The following SLC30A8 variants were observed in gnomAD, a reference collection of about 807,000 sequenced individuals.
SLC30A8 encodes the protein proton-coupled zinc antiporter SLC30A8.
In SLC30A8, 27 loss-of-function variants were observed where a neutral mutation model predicts 36.9. The ratio of observed to expected loss-of-function variants is 0.73; its 90% CI spans 0.54 to 1.01. The LOEUF is 1.01. Ranked by LOEUF, SLC30A8 falls within the 50% of genes least tolerant of loss-of-function variation. SLC30A8 has a pLI of 0.00. For missense variants in SLC30A8, 439 were observed against 452.0 expected (o/e 0.97, Z 0.26); for synonymous variants, 164 against 172.4 (o/e 0.95, Z 0.38).
rs76378081 is a variant in SLC30A8, at chr8:117,012,667, A to AGT, written c.-265-26538_-265-26537dup. 3.5e-3 allele frequency among the ~76,000 whole-genome samples: 488 copies of AGT among 140,380 alleles called. 2 individuals are homozygous for AGT. Among genetic ancestry groups the AGT allele is most frequent in the African/African-American group, 0.011 (426 of 38,018 alleles). The allele number at this position is 140,380 out of a possible 152,430, so 92.1% of individuals were successfully genotyped here. A position where few individuals can be genotyped will look rare whatever the true frequency, so the allele number is the denominator to read the frequency against. ...GGATACAGAAGGACGACTGTATATA[A>AGT]GTGTGTGTGTGTGTGCATGTGTGTG... On this transcript the variant is annotated intron_variant, in intron 1 of 10. Transcript: ENST00000427715.
chr8:117,171,207 C>A (rs1339956190), intron 7 of SLC30A8, 39 bp downstream of exon 7: 1 of 1,606,906 alleles, frequency 6.2e-7, no homozygotes, highest in Non-Finnish European at 8.5e-7. Context: ...AAAATTCAGT[C>A]CTTGTCCTGT....
chr8:117,105,625 A>G (rs1314571217), intron 2 of SLC30A8, among the ~76,000 whole-genome samples: 1 of 152,180 alleles, frequency 6.6e-6, no homozygotes, highest in African/African-American at 2.4e-5. Context: ...TCTATGTTGC[A>G]GTTTTGAGGT....
At chr8:117,008,015 G>A (rs1816236440) in intron 1 of SLC30A8, among the ~76,000 whole-genome samples, 1 of 152,140 alleles carries the variant, frequency 6.6e-6, no homozygotes, top group African/African-American at 2.4e-5. Context: ...TCAACCTTAA[G>A]GTAATGGGTA....
Position 117,152,990 on chromosome 8 carries a change from C to T in SLC30A8, c.318C>T (p.His106=), listed in dbSNP as rs1822267405. The change falls in exon 3 of 8, where the codon CAC becomes CAT. Residue 106 remains histidine, a synonymous_variant. Transcript: ENST00000456015. ...TTGCTGTTGTCACAGATGCTGCCCACCTCTTAATTGACCTGACCAGTTTCC... is the reference window on the plus strand; with the variant it reads ...TTGCTGTTGTCACAGATGCTGCCCATCTCTTAATTGACCTGACCAGTTTCC... The part of the protein sequence containing the change: ...GSLAVVTDAA[H]LLIDLTSFLL... The T allele has an allele frequency of 6.2e-7, 1 of 1,613,452 alleles. No individual in the cohort carries two copies. The highest frequency in any genetic ancestry group is 8.5e-7 in the Non-Finnish European group (1 of 1,179,574).
rs1817726119 is a variant in SLC30A8 at position 117,052,009 on chromosome 8, ATTTTATT to A, written c.-226+12762_-226+12768del. The stretch of plus-strand genomic sequence containing the variant: ...CTGCAGAGGCAAATAAGCCTCTTTT[ATTTTATT>A]TTTTATTTTTGGAGACGGAGTTCCA... On this transcript the variant is annotated intron_variant, in intron 2 of 10. Transcript: ENST00000427715. Among the ~76,000 whole-genome samples, 5 of 151,880 alleles carry A rather than the reference ATTTTATT, an allele frequency of 3.3e-5. No individual in the cohort carries two copies. The South Asian group carries it at 6.3e-4, about 19-fold the overall frequency.
chr8:117,044,556 G>A (rs554607861), intron 2 of SLC30A8, among the ~76,000 whole-genome samples: 1 of 152,186 alleles, frequency 6.6e-6, no homozygotes, highest in Non-Finnish European at 1.5e-5. Flanking sequence ...TCCCTAAGGC[G>A]TGTCAGCGGG....
At chr8:117,064,302 C>T (rs1586460430) in intron 2 of SLC30A8, among the ~76,000 whole-genome samples, 1 of 152,060 alleles carries the variant, frequency 6.6e-6, no homozygotes, top group East Asian at 1.9e-4. Context: ...GACCTAAAAT[C>T]CTTGATGTAG....
chr8:116,970,236 T>A (rs1434734759), intron 1 of SLC30A8, among the ~76,000 whole-genome samples: 1 of 152,188 alleles, frequency 6.6e-6, no homozygotes, highest in African/African-American at 2.4e-5. Flanking sequence ...ATCATTGTCT[T>A]CCACTCCCAC....
At chr8:117,124,438 C>T (rs1224710386) in intron 2 of SLC30A8, among the ~76,000 whole-genome samples, 2 of 151,806 alleles carry the variant, frequency 1.3e-5, no homozygotes, top group Admixed American at 6.6e-5. Flanking sequence ...TTCCTGCACC[C>T]GGGCTCATGC....
chr8:117,109,950 A>G (rs1033146280), intron 2 of SLC30A8, among the ~76,000 whole-genome samples: 2 of 152,198 alleles, frequency 1.3e-5, no homozygotes, highest in Admixed American at 1.3e-4. Context: ...TAAGGTGCTT[A>G]GAATTACGCT....
At chr8:117,170,931 G>T in intron 6 of SLC30A8, 103 bp from the exon 7 acceptor site, 1 of 944,244 alleles carries the variant, frequency 1.1e-6, no homozygotes, top group South Asian at 1.8e-5. Flanking sequence ...GCAAAGGGAT[G>T]AACACATTGA....
intron 1 of SLC30A8, among the ~76,000 whole-genome samples, chr8:116,953,399 T>A (rs1349840993): frequency 6.6e-6 from 1 of 152,244 alleles, no homozygotes; most frequent in Non-Finnish European, 1.5e-5. Context: ...TTTCTATTTA[T>A]AATTTTAATT....
chr8:117,129,067 CAG>C (rs1821027765), intron 2 of SLC30A8, among the ~76,000 whole-genome samples: 1 of 152,030 alleles, frequency 6.6e-6, no homozygotes. Context: ...GAACTATCCT[CAG>C]AGCAGAATTT....
At chr8:117,057,814 A>T (rs1817917744) in intron 2 of SLC30A8, among the ~76,000 whole-genome samples, 1 of 152,192 alleles carries the variant, frequency 6.6e-6, no homozygotes, top group Admixed American at 6.5e-5. Context: ...GTTTGATTTC[A>T]TATCTTGGCT....
At chr8:117,035,243 G>T (rs553698990) in intron 1 of SLC30A8, among the ~76,000 whole-genome samples, 2 of 152,260 alleles carry the variant, frequency 1.3e-5, no homozygotes, top group Admixed American at 6.5e-5. Context: ...TTCTACCTAG[G>T]AGCCTGCAAA....
At chr8:116,980,769 G>T (rs966253828) in intron 1 of SLC30A8, among the ~76,000 whole-genome samples, 2 of 152,162 alleles carry the variant, frequency 1.3e-5, no homozygotes, top group Non-Finnish European at 2.9e-5. Context: ...ATCACCTTTA[G>T]GTGATTATCC....
chr8:117,015,548 C>T (rs201205613), intron 1 of SLC30A8, among the ~76,000 whole-genome samples: 1 of 139,040 alleles, frequency 7.2e-6, no homozygotes, highest in Admixed American at 7.0e-5. Flanking sequence ...CCCCCCCCCC[C>T]AAAAAAAAGA....
chr8:117,165,690 T>A (rs1823021678), intron 6 of SLC30A8, among the ~76,000 whole-genome samples: 1 of 152,190 alleles, frequency 6.6e-6, no homozygotes, highest in African/African-American at 2.4e-5. Flanking sequence ...AGAGGAGATT[T>A]GACTGGAGCA....
intron 1 of SLC30A8, among the ~76,000 whole-genome samples, chr8:117,017,000 G>A (rs1816543329): frequency 6.6e-6 from 1 of 152,110 alleles, no homozygotes; most frequent in African/African-American, 2.4e-5. Context: ...GTGGTTAAGA[G>A]AGTTAGAGTG....
Sources: gnomAD v4.1 joint callset for allele counts (sites outside exome capture counted in the v4.1 genomes callset) on GRCh38, gnomAD v4.1.1 for gene constraint, MANE v1.5 for transcripts, NCBI Gene and HGNC (gene_info 2026-07-23, HGNC 2026-07-21) for gene names.